Variants in EIF4G3 observed in about 807,000 individuals in gnomAD.
EIF4G3 encodes the protein eIF-4-gamma 3.
A neutral mutation model predicts 186.4 loss-of-function variants in EIF4G3; 34 were observed. The ratio of observed to expected loss-of-function variants is 0.18; its 90% CI spans 0.14 to 0.24. The LOEUF (loss-of-function observed/expected upper bound fraction) is 0.24. EIF4G3 is among the 10% of genes least tolerant of loss of function. EIF4G3 has a pLI of 1.00. For missense variants in EIF4G3, 1,536 were observed against 1,948.5 expected, an observed-to-expected ratio of 0.79 and a Z score of 3.99; for synonymous variants, 673 against 679.5, an observed-to-expected ratio of 0.99 and a Z score of 0.15.
Position 20,825,087 on chromosome 1 carries a change from G to T in EIF4G3, c.4368+13C>A, listed in dbSNP as rs72652913. 0.011 allele frequency: 16,570 copies of T among 1,566,604 alleles called. 117 individuals carry two copies. The highest frequency in any genetic ancestry group is 0.017 in the Middle Eastern group (104 of 5,948). ...ACTACTATCAAACAGCAAAACATAA[G>T]CCTTGTTCTTACCTGCTCCAAAAGA... On this transcript the variant is annotated intron_variant, in intron 33 of 36. Coordinates refer to ENST00000602326, the MANE Select transcript of EIF4G3 (RefSeq NM_001391906.1).
chr1:21,019,561 G>C (rs2090145487), intron 4 of EIF4G3, among the ~76,000 whole-genome samples: 1 of 152,104 alleles, frequency 6.6e-6, no homozygotes, highest in South Asian at 2.1e-4. Context: ...TTATTATCGA[G>C]GGAGAGTAAG....
At chr1:21,022,357 G>C (rs892872770) in intron 4 of EIF4G3, among the ~76,000 whole-genome samples, 1 of 152,176 alleles carries the variant, frequency 6.6e-6, no homozygotes, top group Non-Finnish European at 1.5e-5. Context: ...CACTGAGTTG[G>C]TTAAATAAAC....
chr1:21,101,758 T>C (rs1245641364), intron 2 of EIF4G3, among the ~76,000 whole-genome samples: 2 of 152,004 alleles, frequency 1.3e-5, no homozygotes, highest in Middle Eastern at 3.2e-3. Flanking sequence ...ATGTTATTAT[T>C]ATATTTATTA....
At chr1:20,934,432 G>C (rs1028964128) in intron 14 of EIF4G3, among the ~76,000 whole-genome samples, 1 of 152,054 alleles carries the variant, frequency 6.6e-6, no homozygotes, top group African/African-American at 2.4e-5. Context: ...GAATACATAC[G>C]AGACTGTAAG....
At chr1:21,170,194 C>T (rs7529393) in intron 2 of EIF4G3, among the ~76,000 whole-genome samples, 142,550 of 149,218 alleles carry the variant, frequency 0.96, 68,251 homozygotes, top group South Asian at 1. Context: ...AATAAATAAA[C>T]AAACAAACAA....
At chr1:21,050,558 G>C (rs914041431) in intron 4 of EIF4G3, among the ~76,000 whole-genome samples, 5 of 152,160 alleles carry the variant, frequency 3.3e-5, no homozygotes, top group African/African-American at 1.2e-4. Context: ...ATTAAGCATC[G>C]AAAAGCAAAT....
intron 7 of EIF4G3, among the ~76,000 whole-genome samples, chr1:20,983,119 T>C (rs2078663342): frequency 1.3e-5 from 2 of 152,222 alleles, no homozygotes; most frequent in African/African-American, 4.8e-5. Context: ...AACTTGATCT[T>C]GTGCTCAAAA....
intron 13 of EIF4G3, among the ~76,000 whole-genome samples, chr1:20,944,251 G>A (rs778066730): frequency 1.3e-5 from 2 of 151,836 alleles, no homozygotes; most frequent in Admixed American, 6.6e-5. Flanking sequence ...GTGATGGCTC[G>A]CATCTGTAAT....
chr1:20,816,384 C>A (rs1436782525), intron 34 of EIF4G3, among the ~76,000 whole-genome samples: 1 of 114,708 alleles, frequency 8.7e-6, no homozygotes, highest in Non-Finnish European at 1.9e-5. Flanking sequence ...GTCAGCCCCC[C>A]GCCCGGCCGG....
chr1:20,935,225 G>C (rs1362992310), intron 14 of EIF4G3, among the ~76,000 whole-genome samples: 1 of 152,198 alleles, frequency 6.6e-6, no homozygotes, highest in Non-Finnish European at 1.5e-5. Flanking sequence ...GCCTGAGAAA[G>C]CTGATTTACC....
intron 26 of EIF4G3, among the ~76,000 whole-genome samples, chr1:20,854,340 G>A (rs373850809): frequency 6.6e-6 from 1 of 151,846 alleles, no homozygotes. Context: ...TTAATTTAGG[G>A]TCCCAGTAAT....
chr1:21,111,473 C>CA (rs2096725020), intron 2 of EIF4G3: 1 of 428,746 alleles, frequency 2.3e-6, no homozygotes. Context: ...CCATAAAGAT[C>CA]ATGAGTTTTC....
At chr1:20,969,342 C>T (rs549977550) in intron 12 of EIF4G3, 132 bp downstream of exon 12, 2 of 1,025,442 alleles carry the variant, frequency 2.0e-6, no homozygotes, top group Non-Finnish European at 2.8e-6. Flanking sequence ...TGTTTAAATA[C>T]CATTTAGATA....
At chr1:20,980,106 C>A (rs2077647042) in intron 10 of EIF4G3, among the ~76,000 whole-genome samples, 1 of 151,664 alleles carries the variant, frequency 6.6e-6, no homozygotes, top group African/African-American at 2.4e-5. Context: ...GAAGCTAAGG[C>A]AGGATGATCA....
At chr1:21,038,162 T>C (rs2093345927) in intron 4 of EIF4G3, among the ~76,000 whole-genome samples, 1 of 152,164 alleles carries the variant, frequency 6.6e-6, no homozygotes. Context: ...ACTCACATAA[T>C]AGGATAGCTT....
chr1:21,169,560 T>C (rs1413973711), intron 2 of EIF4G3: 2 of 152,238 alleles, frequency 1.3e-5, no homozygotes, highest in South Asian at 2.1e-4. Context: ...CATTTAATTA[T>C]GTCTTGCTCT....
chr1:20,901,849 C>G (rs536621998), intron 15 of EIF4G3, among the ~76,000 whole-genome samples: 85 of 152,170 alleles, frequency 5.6e-4, no homozygotes, highest in African/African-American at 1.9e-3. Context: ...ATTGGCTGGA[C>G]AGCCAAAGGT....
chr1:20,982,428 AAGC>A lies in EIF4G3; in HGVS notation c.178-23_178-21del, dbSNP rs1170377009. 6.6e-7 allele frequency: 1 copy of A among 1,524,922 alleles called. No individual in the cohort carries two copies. Among genetic ancestry groups the A allele is most frequent in the Non-Finnish European group, 8.8e-7 (1 of 1,142,680 alleles). 94.5% of individuals were successfully genotyped at this position (1,524,922 alleles called of 1,614,324 possible). ...TCCTCCCTTCAAATATGAAGCAAGA[AAGC>A]AGCAGGAAACAGAAAGAAAGCCAAT... On this transcript the variant is annotated intron_variant, in intron 7 of 36. Coordinates refer to ENST00000602326, the MANE Select transcript of EIF4G3 (RefSeq NM_001391906.1).
intron 2 of EIF4G3, among the ~76,000 whole-genome samples, chr1:21,167,278 T>A (rs2097871310): frequency 3.9e-5 from 6 of 152,222 alleles, no homozygotes. Context: ...ATTATGTTTG[T>A]TCCCACACTT....
Sources: allele counts gnomAD v4.1 joint callset (sites outside exome capture counted in the v4.1 genomes callset), GRCh38; gene constraint gnomAD v4.1.1; transcripts MANE v1.5; gene names NCBI Gene and HGNC (gene_info 2026-07-23, HGNC 2026-07-21).